The following THRAP3 variants were observed in gnomAD, a reference collection of about 807,000 sequenced individuals.
The protein encoded by THRAP3 is thyroid hormone receptor associated protein 3, also known as thyroid hormone receptor-associated protein 3.
In THRAP3, 16 loss-of-function variants were observed where a neutral mutation model predicts 101.0. The observed-to-expected ratio is 0.16, with a 90% CI of 0.11 to 0.24. The LOEUF (loss-of-function observed/expected upper bound fraction) is 0.24, where lower values mean the gene tolerates loss of function less well. Ranked by LOEUF, THRAP3 falls within the 10% of genes least tolerant of loss-of-function variation. The pLI is 1.00. For missense variants in THRAP3, 989 were observed against 1,202.7 expected (o/e 0.82, Z 2.63); for synonymous variants, 407 against 422.6 (o/e 0.96, Z 0.45).
At chr1:36,299,282 T>C in intron 9 of THRAP3, among the ~76,000 whole-genome samples, 1 of 151,484 alleles carries the variant, frequency 6.6e-6, no homozygotes, top group South Asian at 2.1e-4. Context: ...CTACTAAAAA[T>C]ACAAAAATTA....
At chr1:36,275,211 A>T (rs1645642391) in intron 2 of THRAP3, among the ~76,000 whole-genome samples, 1 of 150,676 alleles carries the variant, frequency 6.6e-6, no homozygotes, top group Non-Finnish European at 1.5e-5. Flanking sequence ...AATGGCATGA[A>T]TCTGCAAGGC....
At chr1:36,292,844 G>T (rs1391130478) in intron 7 of THRAP3, 135 bp downstream of exon 7, 37 of 622,356 alleles carry the variant, frequency 5.9e-5, no homozygotes, top group African/African-American at 5.8e-4. Flanking sequence ...CTCTAAGAGA[G>T]CTATAGGCAT....
intron 2 of THRAP3, among the ~76,000 whole-genome samples, chr1:36,268,353 A>G (rs1201087057): frequency 6.6e-6 from 1 of 152,020 alleles, no homozygotes; most frequent in Non-Finnish European, 1.5e-5. Flanking sequence ...AAGAACAGAG[A>G]TTGACATTTT....
intron 2 of THRAP3, among the ~76,000 whole-genome samples, chr1:36,279,723 A>C (rs1304997241): frequency 6.6e-6 from 1 of 152,168 alleles, no homozygotes; most frequent in Non-Finnish European, 1.5e-5. Context: ...TATGTCTCTA[A>C]GATTTTGCTT....
chr1:36,284,123 A>C (rs192413340), intron 3 of THRAP3, among the ~76,000 whole-genome samples: 9 of 152,372 alleles, frequency 5.9e-5, no homozygotes, highest in African/African-American at 2.2e-4. Context: ...TTCAACACCA[A>C]GAGGCTATGC....
At chr1:36,234,282 C>T (rs1312807466) in intron 1 of THRAP3, among the ~76,000 whole-genome samples, 1 of 152,194 alleles carries the variant, frequency 6.6e-6, no homozygotes, top group African/African-American at 2.4e-5. Context: ...CCCTAATACC[C>T]TTCTACCCTA....
At chr1:36,227,601 G>T (rs1187965862) in intron 1 of THRAP3, among the ~76,000 whole-genome samples, 2 of 152,258 alleles carry the variant, frequency 1.3e-5, no homozygotes. Context: ...ATGGAGGGAG[G>T]AAGGAAGGGG....
At chr1:36,279,137 C>G (rs1645700664) in intron 2 of THRAP3, among the ~76,000 whole-genome samples, 1 of 152,072 alleles carries the variant, frequency 6.6e-6, no homozygotes, top group African/African-American at 2.4e-5. Flanking sequence ...TTTTCTTCAT[C>G]TTAATGAAAA....
At chr1:36,303,288 T>C (rs1646053484) in intron 11 of THRAP3, among the ~76,000 whole-genome samples, 1 of 152,080 alleles carries the variant, frequency 6.6e-6, no homozygotes, top group African/African-American at 2.4e-5. Flanking sequence ...CTTAGCTGCC[T>C]AACAACCCAG....
chr1:36,213,282 T>C, the THRAP3 span, among the ~76,000 whole-genome samples: 1 of 152,174 alleles, frequency 6.6e-6, no homozygotes, highest in Middle Eastern at 3.4e-3. Flanking sequence ...CTACCTTTTG[T>C]AGGATGCCTC....
intron 1 of THRAP3, among the ~76,000 whole-genome samples, chr1:36,254,622 C>T (rs1034892000): frequency 1.3e-5 from 2 of 152,156 alleles, no homozygotes; most frequent in Non-Finnish European, 2.9e-5. Context: ...ACTCAGATCT[C>T]CTGTCTTAGT....
Position 36,282,577 on chromosome 1 carries a change from A to T in THRAP3, c.14A>T (p.Asn5Ile). 6.2e-7 allele frequency: 1 copy of T among 1,614,110 alleles called. No individual in the cohort carries two copies. Among genetic ancestry groups the T allele is most frequent in the Non-Finnish European group, 8.5e-7 (1 of 1,179,998 alleles). MSKTNKSKSGSRSSR... is the reference protein window; with the variant it reads MSKTIKSKSGSRSSR... The stretch of plus-strand genomic sequence containing the variant: ...CTCTCTTCAGAGATGTCAAAAACAA[A>T]CAAATCCAAGTCTGGATCTCGCTCT... The change falls in exon 3 of 12, where the codon AAC (asparagine) becomes ATC (isoleucine). Residue 5 changes from asparagine (N) to isoleucine (I), a missense_variant. Transcript: ENST00000354618.
intron 1 of THRAP3, among the ~76,000 whole-genome samples, chr1:36,234,227 C>T (rs1253840624): frequency 2.0e-5 from 3 of 152,158 alleles, no homozygotes; most frequent in Non-Finnish European, 4.4e-5. Flanking sequence ...TGAGCCACCA[C>T]ACCCGGCCAA....
At position 36,289,759 on chromosome 1, in the gene THRAP3, C is replaced by T. The variant is rs1260805721; in HGVS notation, c.1740C>T (p.Leu580=). Reference sequence around the variant, plus strand: ...GGATGGACTCTTTTGATGAGGACCTCGCACGGTGAGATATGCTCCTTCTTG... The same window carrying T: ...GGATGGACTCTTTTGATGAGGACCTTGCACGGTGAGATATGCTCCTTCTTG... ...NVRMDSFDED[L]ARPSGLLAQE... Residue 580 remains leucine (L), a synonymous_variant, in exon 5 of 12, where the codon CTC becomes CTT. Coordinates refer to ENST00000354618, the MANE Select transcript of THRAP3 (RefSeq NM_005119.4). 5.6e-6 allele frequency: 9 copies of T among 1,601,776 alleles called. No individual in the cohort carries two copies. Among genetic ancestry groups the T allele is most frequent in the East Asian group, 4.5e-5 (2 of 44,846 alleles).
At chr1:36,244,997 G>A (rs1259788301) in intron 1 of THRAP3, among the ~76,000 whole-genome samples, 1 of 151,964 alleles carries the variant, frequency 6.6e-6, no homozygotes, top group East Asian at 1.9e-4. Context: ...TGGGATTACA[G>A]GCGTGAGCCA....
intron 1 of THRAP3, among the ~76,000 whole-genome samples, chr1:36,253,210 T>C (rs575776059): frequency 1.5e-4 from 23 of 152,226 alleles, no homozygotes; most frequent in African/African-American, 5.3e-4. Flanking sequence ...GTGATTTTAA[T>C]TGAGCAGATT....
At chr1:36,250,532 C>T (rs1474111455) in intron 1 of THRAP3, among the ~76,000 whole-genome samples, 1 of 151,956 alleles carries the variant, frequency 6.6e-6, no homozygotes, top group East Asian at 1.9e-4. Context: ...CCTCTGTGTT[C>T]TCTAGTAGAG....
the THRAP3 span, among the ~76,000 whole-genome samples, chr1:36,216,078 A>G: frequency 6.6e-6 from 1 of 151,978 alleles, no homozygotes; most frequent in Non-Finnish European, 1.5e-5. Flanking sequence ...TTTCCCAACC[A>G]TTAAAAAATG....
the THRAP3 span, among the ~76,000 whole-genome samples, chr1:36,218,535 T>C: frequency 6.8e-6 from 1 of 146,720 alleles, no homozygotes; most frequent in African/African-American, 2.5e-5. Flanking sequence ...GCTAACACAG[T>C]GAAACCCTGT....
Sources: allele counts gnomAD v4.1 joint callset (sites outside exome capture counted in the v4.1 genomes callset), GRCh38; gene constraint gnomAD v4.1.1; transcripts MANE v1.5; gene names NCBI Gene and HGNC (gene_info 2026-07-23, HGNC 2026-07-21).